The following CKAP5 variants were observed in gnomAD, a reference collection of about 807,000 sequenced individuals.
The protein encoded by CKAP5 is cytoskeleton-associated protein 5.
In CKAP5, 27 loss-of-function variants were observed where a neutral mutation model predicts 232.8. The ratio of observed to expected loss-of-function variants is 0.12; its 90% CI spans 0.09 to 0.16. CKAP5 has a LOEUF of 0.16. Among genes scored for constraint, CKAP5 ranks in the 10% least tolerant of loss-of-function variants. The pLI is 1.00. For synonymous variants in CKAP5, 785 were observed against 841.1 expected (o/e 0.93, Z 1.16); for missense variants, 1,838 against 2,424.7 (o/e 0.76, Z 5.08).
At chr11:46,750,216 G>C in intron 42 of CKAP5, 58 bp downstream of exon 42, 1 of 1,536,562 alleles carries the variant, frequency 6.5e-7, no homozygotes, top group Non-Finnish European at 8.8e-7. Flanking sequence ...AAAACTTCAG[G>C]TTCCTGTGCT....
chr11:46,746,779 A>G (rs956031105), intron 42 of CKAP5, among the ~76,000 whole-genome samples: 8 of 152,228 alleles, frequency 5.3e-5, no homozygotes, highest in African/African-American at 1.9e-4. Context: ...AACTTATACA[A>G]AAATAATTGT....
chr11:46,751,482 A>G lies in CKAP5; in HGVS notation c.5186T>C (p.Leu1729Pro). Residue 1729 changes from leucine to proline, a missense_variant, in exon 39 of 44, where the codon CTA (leucine) becomes CCA (proline). By Grantham distance (98) the Leu-to-Pro change is moderately conservative (BLOSUM62 -3). Coordinates refer to ENST00000529230, the MANE Select transcript of CKAP5 (RefSeq NM_001008938.4). ...GTGGATATCCAGAAGAATTCTGTCT[A>G]GGTTAATGCTATTGATGGTATCAGG... is the stretch of plus-strand genomic sequence containing the variant. ...LLPDTINSIN[L>P]DRILLDIHIF... 2 of 1,614,100 alleles carry G rather than the reference A, an allele frequency of 1.2e-6. No homozygotes were observed. The highest frequency in any genetic ancestry group is 1.7e-6 in the Non-Finnish European group (2 of 1,179,976).
chr11:46,785,619 C>A (rs1175904903), intron 16 of CKAP5, among the ~76,000 whole-genome samples: 3 of 152,164 alleles, frequency 2.0e-5, no homozygotes, highest in Non-Finnish European at 4.4e-5. Context: ...GGATTACAGG[C>A]GTGAGCCACT....
intron 38 of CKAP5, 37 bp downstream of exon 38, chr11:46,752,598 C>T: frequency 6.5e-7 from 1 of 1,532,498 alleles, no homozygotes; most frequent in Non-Finnish European, 9.0e-7. Flanking sequence ...GTGATTGCAT[C>T]TTTGAAAGAA....
intron 38 of CKAP5, among the ~76,000 whole-genome samples, chr11:46,752,193 T>TATATATATACACACAC (rs1408030107): frequency 3.0e-5 from 2 of 66,546 alleles, no homozygotes; most frequent in Non-Finnish European, 5.8e-5. Context: ...TATATATATA[T>TATATATATACACACAC]ACACACACAC....
chr11:46,784,549 T>G lies in CKAP5; in HGVS notation c.2093A>C (p.Asn698Thr). The change falls in exon 17 of 44, where the codon AAT becomes ACT. Residue 698 changes from asparagine to threonine, a missense_variant. By Grantham distance (65) the Asn-to-Thr change is moderately conservative. Around this residue, in one of 6 missense-constraint regions of CKAP5, gnomAD observed 767 missense variants for 954.6 expected, o/e 0.80. Transcript: ENST00000529230. ...TATTGCTGTCATAGCTTCTTTTGCA[T>G]TGTTCCCACATTTCACATCTCCAAT... is the stretch of plus-strand genomic sequence containing the variant. ...DKIGDVKCGN[N>T]AKEAMTAIAE... 1 of 1,614,136 alleles carries G rather than the reference T, an allele frequency of 6.2e-7. No homozygotes were observed. Among genetic ancestry groups the G allele is most frequent in the Middle Eastern group, 1.6e-4 (1 of 6,062 alleles).
At chr11:46,744,372 C>T (rs1180850434) in intron 43 of CKAP5, 54 bp downstream of exon 43, 9 of 1,613,298 alleles carry the variant, frequency 5.6e-6, no homozygotes, top group African/African-American at 2.7e-5. Context: ...CAGCCTGCCT[C>T]GGACCTGCTT....
At chr11:46,791,621 C>A (rs1938726025) in intron 13 of CKAP5, among the ~76,000 whole-genome samples, 1 of 152,066 alleles carries the variant, frequency 6.6e-6, no homozygotes, top group South Asian at 2.1e-4. Context: ...CTGCAGTGAG[C>A]CATGATCATG....
intron 8 of CKAP5, among the ~76,000 whole-genome samples, chr11:46,802,547 C>G (rs1259628787): frequency 1.4e-4 from 19 of 135,014 alleles, no homozygotes; most frequent in African/African-American, 5.5e-4. Flanking sequence ...GACAGACAGA[C>G]AGACAGACAG....
At chr11:46,808,208 T>G in intron 7 of CKAP5, 64 bp from the exon 8 acceptor site, 1 of 1,049,538 alleles carries the variant, frequency 9.5e-7, no homozygotes. Flanking sequence ...AGTCTATTTA[T>G]TGCACTCTGC....
intron 14 of CKAP5, 51 bp downstream of exon 14, chr11:46,790,419 G>T: frequency 7.7e-7 from 1 of 1,292,318 alleles, no homozygotes; most frequent in Non-Finnish European, 1.1e-6. Context: ...CTTCTCATTG[G>T]TCTCACTTTG....
intron 15 of CKAP5, 105 bp downstream of exon 15, chr11:46,789,971 A>G: frequency 1.5e-6 from 1 of 688,930 alleles, no homozygotes; most frequent in South Asian, 2.0e-5. Context: ...AAACGTGTTC[A>G]CCGGTTATAA....
At chr11:46,775,257 G>T (rs1329326554) in intron 24 of CKAP5, among the ~76,000 whole-genome samples, 1 of 152,212 alleles carries the variant, frequency 6.6e-6, no homozygotes, top group Non-Finnish European at 1.5e-5. Flanking sequence ...GGTCATTAGA[G>T]AAATGCAAAT....
chr11:46,802,924 A>AT (rs1939068170), intron 8 of CKAP5, among the ~76,000 whole-genome samples: 1 of 152,094 alleles, frequency 6.6e-6, no homozygotes, highest in Non-Finnish European at 1.5e-5. Flanking sequence ...TTTAAGTTTA[A>AT]TTTTCACCCA....
At chr11:46,744,872 T>A (rs2065011177) in intron 42 of CKAP5, among the ~76,000 whole-genome samples, 1 of 152,024 alleles carries the variant, frequency 6.6e-6, no homozygotes, top group Non-Finnish European at 1.5e-5. Context: ...ACTTGGGCAA[T>A]CCAAAAAGCT....
rs762160882 is a variant in CKAP5 at position 46,760,752 on chromosome 11, C to T, written c.4254G>A (p.Glu1418=). 1 of 1,614,178 alleles carries T rather than the reference C, an allele frequency of 6.2e-7. No individual in the cohort carries two copies. Among genetic ancestry groups the T allele is most frequent in the Admixed American group, 1.7e-5 (1 of 60,018 alleles). Residue 1418 remains glutamate (E), a synonymous_variant, in exon 33 of 44, where the codon GAG becomes GAA. Transcript: ENST00000529230. ...LSEKDMSMLE[E]RIKRSAKRPS... is the part of the protein sequence containing the mutation. ...GTCTCTTTGCTGACCGCTTAATCCT[C>T]TCCTCGAGCATGCTCATATCCTTTT...
chr11:46,844,061 AAAT>A (rs1940121830), intron 1 of CKAP5, among the ~76,000 whole-genome samples: 1 of 152,064 alleles, frequency 6.6e-6, no homozygotes, highest in Non-Finnish European at 1.5e-5. Flanking sequence ...TCTCTACTAA[AAAT>A]ACAAAAAATT....
intron 37 of CKAP5, 34 bp downstream of exon 37, chr11:46,753,276 C>A: frequency 6.5e-7 from 1 of 1,530,034 alleles, no homozygotes; most frequent in Non-Finnish European, 8.8e-7. Flanking sequence ...AGCGAGGATG[C>A]CCCAGGCTCT....
intron 1 of CKAP5, among the ~76,000 whole-genome samples, chr11:46,822,723 G>A (rs1312605634): frequency 7.4e-6 from 1 of 134,814 alleles, no homozygotes. Context: ...ACTCCAGCCT[G>A]GGCAACAGAC....
Sources: gnomAD v4.1 joint callset for allele counts (sites outside exome capture counted in the v4.1 genomes callset) on GRCh38, gnomAD v4.1.1 for gene constraint, gnomAD v4.1.1 regional missense constraint, MANE v1.5 for transcripts, NCBI Gene and HGNC (gene_info 2026-07-23, HGNC 2026-07-21) for gene names.